CFL2: variants seen among roughly 807,000 people sequenced by gnomAD.
The protein encoded by CFL2 is cofilin-2.
CFL2 carries 10 observed loss-of-function variants against 19.6 expected under a neutral mutation model. The observed-to-expected ratio is 0.51, with a 90% confidence interval of 0.31 to 0.86. The LOEUF (loss-of-function observed/expected upper bound fraction) is 0.86, where lower values mean the gene tolerates loss of function less well. CFL2 is among the 40% of genes least tolerant of loss of function. The pLI, the probability that CFL2 is intolerant of heterozygous loss-of-function variation, is 0.04. For synonymous variants in CFL2, 63 were observed against 66.7 expected (o/e 0.95, Z 0.27); for missense variants, 125 against 192.1 (o/e 0.65, Z 2.06).
Position 34,711,103 on chromosome 14 carries a change from A to G in CFL2, c.*1762T>C, listed in dbSNP as rs1471784933. 2.2e-5 allele frequency: 10 copies of G among 453,668 alleles called. No individual in the cohort carries two copies. The highest frequency in any genetic ancestry group is 3.5e-5 in the Non-Finnish European group (8 of 226,726). The allele number at this position is 453,668 out of a possible 1,614,324, so 28.1% of individuals were successfully genotyped here. A position where few individuals can be genotyped will look rare whatever the true frequency, so the allele number is the denominator to read the frequency against. On this transcript the variant is annotated 3_prime_UTR_variant, in exon 4 of 4. Coordinates refer to ENST00000298159, the MANE Select transcript of CFL2 (RefSeq NM_138638.5). ...CCTAGACATTTAATCCCTATTTTTA[A>G]TGTTCACATCTGAAAAATCTTTCAA... is the stretch of plus-strand genomic sequence containing the variant.
At chr14:34,713,969 G>C (rs1465178881) in intron 1 of CFL2, 31 of 690,358 alleles carry the variant, frequency 4.5e-5, no homozygotes, top group Non-Finnish European at 6.9e-5. Flanking sequence ...AGTCATCCTA[G>C]CCACTGACGT....
chr14:34,714,497 C>T (rs775806566), intron 1 of CFL2, 41 bp downstream of exon 1: 1 of 1,558,460 alleles, frequency 6.4e-7, no homozygotes, highest in South Asian at 1.2e-5. Flanking sequence ...GGGGGCTTTT[C>T]TCGCCTCGCC....
intron 1 of CFL2, among the ~76,000 whole-genome samples, chr14:34,713,997 G>C (rs1885409509): frequency 6.6e-6 from 1 of 152,170 alleles, no homozygotes; most frequent in African/African-American, 2.4e-5. Context: ...TAAGGAAAGA[G>C]AATCAAGTGT....
At chr14:34,713,172 T>A in intron 2 of CFL2, 36 bp from the exon 3 acceptor site, 1 of 1,578,406 alleles carries the variant, frequency 6.3e-7, no homozygotes, top group Non-Finnish European at 8.6e-7. Context: ...ATCCCATTTA[T>A]AAGAAAAACA....
Position 34,709,768 on chromosome 14 carries a change from A to G in CFL2, c.*3097T>C, listed in dbSNP as rs1446966501. 1 of 135,746 alleles carries G rather than the reference A, an allele frequency of 7.4e-6. No homozygotes were observed. Among genetic ancestry groups the G allele is most frequent in the African/African-American group, 3.0e-5 (1 of 33,540 alleles). The allele number at this position is 135,746 out of a possible 1,614,324, so 8.4% of individuals were successfully genotyped here. ...TTGACACTGCACTCCAGCCTGGGCAACAGAGTGAGACCCTGTCTCAAAAAA... is the reference window on the plus strand; with the variant it reads ...TTGACACTGCACTCCAGCCTGGGCAGCAGAGTGAGACCCTGTCTCAAAAAA... On this transcript the variant is annotated 3_prime_UTR_variant, in exon 4 of 4. Coordinates refer to ENST00000298159, the MANE Select transcript of CFL2 (RefSeq NM_138638.5).
intron 1 of CFL2, chr14:34,713,764 C>T: frequency 6.2e-7 from 1 of 1,611,778 alleles, no homozygotes; most frequent in Non-Finnish European, 8.5e-7. Context: ...ATTCATCCTT[C>T]TTAAAGGGGT....
chr14:34,714,349 C>T (rs1270219226), intron 1 of CFL2, 189 bp downstream of exon 1: 1 of 968,248 alleles, frequency 1.0e-6, no homozygotes, highest in Non-Finnish European at 1.4e-6. Context: ...CCCCCAAAAT[C>T]CAAAGAGCAG....
rs1447604075 is a variant in CFL2 at position 34,710,408 on chromosome 14, G to A, written c.*2457C>T. 2 of 340,634 alleles carry A rather than the reference G, an allele frequency of 5.9e-6. No homozygotes were observed. Among genetic ancestry groups the A allele is most frequent in the African/African-American group, 2.2e-5 (1 of 45,664 alleles). The allele number at this position is 340,634 out of a possible 1,614,324, so 21.1% of individuals were successfully genotyped here. On this transcript the variant is annotated 3_prime_UTR_variant, in exon 4 of 4. Transcript: ENST00000298159. ...AAATACCAGTTTTTAAACTTTTAAT[G>A]TTCTGAAGTATAAGTAAACACATCT... is the stretch of plus-strand genomic sequence containing the variant.
At chr14:34,714,478 G>T in intron 1 of CFL2, 60 bp downstream of exon 1, 2 of 1,533,080 alleles carry the variant, frequency 1.3e-6, no homozygotes, top group East Asian at 2.6e-5. Flanking sequence ...TCACTCCCGG[G>T]GCCGTGCGGG....
chr14:34,713,657 C>A (rs761233066), intron 1 of CFL2, 96 bp from the exon 2 acceptor site: 1 of 1,613,506 alleles, frequency 6.2e-7, no homozygotes. Flanking sequence ...GTCTGGACAT[C>A]AAAAATTGCA....
At position 34,711,923 on chromosome 14, in the gene CFL2, G is replaced by A. The variant is rs1367157528; in HGVS notation, c.*942C>T. 1 of 454,376 alleles carries A rather than the reference G, an allele frequency of 2.2e-6. No homozygotes were observed. The highest frequency in any genetic ancestry group is 2.3e-5 in the Admixed American group (1 of 42,560). The allele number at this position is 454,376 out of a possible 1,614,324, so 28.1% of individuals were successfully genotyped here. A position where few individuals can be genotyped will look rare whatever the true frequency, so the allele number is the denominator to read the frequency against. ...TACAAAAAAAATTCTCAAATGACCA[G>A]TGCAGAGATTAGTAATAGCTGTTTT... On this transcript the variant is annotated 3_prime_UTR_variant, in exon 4 of 4. Transcript: ENST00000298159.
Position 34,712,250 on chromosome 14 carries a change from AT to A in CFL2, c.*614del, listed in dbSNP as rs1273940715. 1 of 454,448 alleles carries A rather than the reference AT, an allele frequency of 2.2e-6. No individual in the cohort carries two copies. The highest frequency in any genetic ancestry group is 4.4e-6 in the Non-Finnish European group (1 of 226,798). 28.2% of individuals were successfully genotyped at this position (454,448 alleles called of 1,614,324 possible). On this transcript the variant is annotated 3_prime_UTR_variant, in exon 4 of 4. Transcript: ENST00000298159. Reference sequence around the variant, plus strand: ...AATAACAGCTATTTCTTTTAAGAAGATATGCAGGTAACAGGAATGAACACTG... The same window carrying A: ...AATAACAGCTATTTCTTTTAAGAAGAATGCAGGTAACAGGAATGAACACTG...
intron 1 of CFL2, 70 bp from the exon 2 acceptor site, chr14:34,713,631 G>A: frequency 6.2e-7 from 1 of 1,613,934 alleles, no homozygotes; most frequent in South Asian, 1.1e-5. Context: ...TGTTTGCCTA[G>A]AGAAGACTCA....
chr14:34,714,248 G>C, intron 1 of CFL2: 1 of 438,150 alleles, frequency 2.3e-6, no homozygotes, highest in Non-Finnish European at 4.0e-6. Context: ...GGGCAAAGGC[G>C]GCGCGAGCGG....
In CFL2 at chr14:34,712,059, G is replaced by T. The variant is rs1059318; in HGVS notation, c.*806C>A. On this transcript the variant is annotated 3_prime_UTR_variant, in exon 4 of 4. Coordinates refer to ENST00000298159, the MANE Select transcript of CFL2 (RefSeq NM_138638.5). The stretch of plus-strand genomic sequence containing the variant: ...GCAACGTGGCCATTTTTGTGAGGGT[G>T]GGGAGTTTGATCTCAAAACAATGTT... The T allele has an allele frequency of 2.2e-6, 1 of 454,504 alleles. No individual in the cohort carries two copies. Among genetic ancestry groups the T allele is most frequent in the South Asian group, 1.6e-5 (1 of 64,474 alleles). 28.2% of individuals were successfully genotyped at this position (454,504 alleles called of 1,614,324 possible).
Position 34,710,996 on chromosome 14 carries a change from C to T in CFL2, c.*1869G>A, listed in dbSNP as rs1885268278. 2.2e-6 allele frequency: 1 copy of T among 454,082 alleles called. No homozygotes were observed. Among genetic ancestry groups the T allele is most frequent in the Admixed American group, 2.3e-5 (1 of 42,570 alleles). The allele number at this position is 454,082 out of a possible 1,614,324, so 28.1% of individuals were successfully genotyped here. On this transcript the variant is annotated 3_prime_UTR_variant, in exon 4 of 4. Transcript: ENST00000298159. ...AAAACCATCGAAATGTCCAGGATAA[C>T]TCACAGGGACAGCTGGAAGCCTGAA... is the stretch of plus-strand genomic sequence containing the variant.
Position 34,713,516 on chromosome 14 carries a change from C to G in CFL2, c.49G>C (p.Asp17His). The G allele has an allele frequency of 6.2e-7, 1 of 1,613,956 alleles. No individual in the cohort carries two copies. Among genetic ancestry groups the G allele is most frequent in the Non-Finnish European group, 8.5e-7 (1 of 1,179,960 alleles). The change falls in exon 2 of 4, where the codon GAT becomes CAT. Residue 17 changes from aspartate to histidine, a missense_variant. Coordinates refer to ENST00000298159, the MANE Select transcript of CFL2 (RefSeq NM_138638.5). ...GTAGAAGATTTCCTTACTTTCATAT[C>G]ATTAAAAACTTTGATGACTTCATCA... ...VNDEVIKVFN[D>H]MKVRKSSTQE... is the part of the protein sequence containing the mutation.
rs1381853863 is a variant in CFL2 at position 34,712,708 on chromosome 14, G to A, written c.*157C>T. On this transcript the variant is annotated 3_prime_UTR_variant, in exon 4 of 4. Transcript: ENST00000298159. Reference sequence around the variant, plus strand: ...ACAGTCTAATGGCAATCACTGATAGGCTGCTTAAATAAATGATATTTCCTT... The same window carrying A: ...ACAGTCTAATGGCAATCACTGATAGACTGCTTAAATAAATGATATTTCCTT... The A allele has an allele frequency of 3.8e-5, 27 of 703,042 alleles. No homozygotes were observed. The Admixed American group carries it at 5.4e-4, about 14-fold the overall frequency. 43.6% of individuals were successfully genotyped at this position (703,042 alleles called of 1,614,324 possible).
chr14:34,709,607 T>C lies in CFL2; in HGVS notation c.*3258A>G, dbSNP rs1378344021. 1 of 133,544 alleles carries C rather than the reference T, an allele frequency of 7.5e-6. No homozygotes were observed. Among genetic ancestry groups the C allele is most frequent in the Non-Finnish European group, 1.6e-5 (1 of 63,786 alleles). 8.3% of individuals were successfully genotyped at this position (133,544 alleles called of 1,614,324 possible). On this transcript the variant is annotated 3_prime_UTR_variant, in exon 4 of 4. Coordinates refer to ENST00000298159, the MANE Select transcript of CFL2 (RefSeq NM_138638.5). ...CTAGGCAACATGGCCAAACTCAGTC[T>C]CTACAAAAGAGATACAAAAAAAAAA... is the stretch of plus-strand genomic sequence containing the variant.
Sources: gnomAD v4.1 joint callset for allele counts (sites outside exome capture counted in the v4.1 genomes callset) on GRCh38, gnomAD v4.1.1 for gene constraint, MANE v1.5 for transcripts, NCBI Gene and HGNC (gene_info 2026-07-23, HGNC 2026-07-21) for gene names.